Variants in THEMIS observed in about 807,000 individuals in gnomAD.
The protein encoded by THEMIS is protein THEMIS.
Under a neutral mutation model 52.6 loss-of-function variants are expected in THEMIS, and 37 were observed. The observed-to-expected ratio is 0.70, with a 90% CI of 0.54 to 0.93. The LOEUF is 0.93. Among genes scored for constraint, THEMIS ranks in the 40% least tolerant of loss-of-function variants. The pLI is 0.00. For missense variants in THEMIS, 808 were observed against 763.1 expected, an observed-to-expected ratio of 1.06 and a Z score of -0.69; for synonymous variants, 292 against 272.7, an observed-to-expected ratio of 1.07 and a Z score of -0.70.
At chr6:127,805,678 G>T (rs1254428710) in intron 4 of THEMIS, among the ~76,000 whole-genome samples, 1 of 151,910 alleles carries the variant, frequency 6.6e-6, no homozygotes, top group African/African-American at 2.4e-5. Flanking sequence ...TTTGGTTTGG[G>T]AAGCAAAGCA....
intron 1 of THEMIS, chr6:127,868,607 G>T: frequency 3.6e-6 from 1 of 274,780 alleles, no homozygotes; most frequent in Non-Finnish European, 5.5e-6. Flanking sequence ...GTGATATCTG[G>T]CTACAAGCTG....
intron 1 of THEMIS, among the ~76,000 whole-genome samples, chr6:127,882,757 A>G (rs557768691): frequency 2.0e-5 from 3 of 152,078 alleles, no homozygotes; most frequent in African/African-American, 7.2e-5. Context: ...GTTTTGTCTA[A>G]GTATTTAAAA....
chr6:127,900,843 T>G lies in THEMIS; in HGVS notation c.90A>C (p.Glu30Asp). The G allele has an allele frequency of 6.2e-7, 1 of 1,612,750 alleles. No individual in the cohort carries two copies. Among genetic ancestry groups the G allele is most frequent in the Non-Finnish European group, 8.5e-7 (1 of 1,179,036 alleles). Reference protein sequence around the residue: ...VLEIQAGIYLEGSIYEMFGNE... With the variant: ...VLEIQAGIYLDGSIYEMFGNE... ...GTAAAGGTATTGGAGAGTGCTTACC[T>G]TCAAGATAGATGCCTGCCTGGATTT... Residue 30 changes from glutamate to aspartate, a missense_variant and splice_region_variant, in exon 1 of 6, where the codon GAA (glutamate) becomes GAC (aspartate). By Grantham distance (45) the Glu-to-Asp change is conservative (BLOSUM62 2). Transcript: ENST00000368248.
At chr6:127,848,316 G>T (rs1206569958) in intron 2 of THEMIS, among the ~76,000 whole-genome samples, 1 of 151,866 alleles carries the variant, frequency 6.6e-6, no homozygotes, top group Admixed American at 6.6e-5. Flanking sequence ...TCTTAATCCA[G>T]TCTACCATTG....
intron 1 of THEMIS, among the ~76,000 whole-genome samples, chr6:127,858,234 T>C (rs1397503485): frequency 6.6e-6 from 1 of 152,112 alleles, no homozygotes; most frequent in African/African-American, 2.4e-5. Context: ...GAAAAGCTTT[T>C]GACTCTTCAG....
In THEMIS at chr6:127,875,928, G is replaced by A. The variant is rs76674814; in HGVS notation, c.92-20740C>T. On this transcript the variant is annotated intron_variant, in intron 1 of 5. Coordinates refer to ENST00000368248, the MANE Select transcript of THEMIS (RefSeq NM_001010923.3). ...ATAGCTAAATGAGGTCAGTCTGGAT[G>A]TCTGGTTATTAATATTGATAGAAAG... is the stretch of plus-strand genomic sequence containing the variant. Among the ~76,000 whole-genome samples the A allele has an allele frequency of 3.7e-3, 571 of 152,274 alleles. 18 individuals are homozygous for A. The East Asian group carries it at 0.079, about 21-fold the overall frequency.
intron 2 of THEMIS, among the ~76,000 whole-genome samples, chr6:127,847,042 G>A (rs746250671): frequency 4.6e-5 from 7 of 151,868 alleles, no homozygotes; most frequent in Non-Finnish European, 8.8e-5. Context: ...TCACATAATT[G>A]TCTCAATAGA....
chr6:127,700,904 AT>A, the THEMIS span, among the ~76,000 whole-genome samples: 1 of 152,072 alleles, frequency 6.6e-6, no homozygotes, highest in African/African-American at 2.4e-5. Context: ...AACATTGTCA[AT>A]ACACTTTAAG....
Position 127,768,254 on chromosome 6 carries a change from T to A in THEMIS, c.1758+44629A>T, listed in dbSNP as rs112316780. Among the ~76,000 whole-genome samples the A allele has an allele frequency of 1.8e-3, 274 of 152,320 alleles. 1 individual carries two copies. The highest frequency in any genetic ancestry group is 6.2e-3 in the African/African-American group (257 of 41,564). ...CTTTCAGAGTAAAATAAATGTTAAC[T>A]AACCTTATTTGTATTTCAGGGATTC... is the stretch of plus-strand genomic sequence containing the variant. On this transcript the variant is annotated intron_variant, in intron 4 of 5. Transcript: ENST00000368248.
At chr6:127,803,686 A>T (rs1220905305) in intron 4 of THEMIS, among the ~76,000 whole-genome samples, 1 of 152,230 alleles carries the variant, frequency 6.6e-6, no homozygotes, top group African/African-American at 2.4e-5. Context: ...TTCATCAGCT[A>T]AAGTTGTAAT....
chr6:127,784,514 G>T (rs1279174876), intron 4 of THEMIS, among the ~76,000 whole-genome samples: 2 of 152,122 alleles, frequency 1.3e-5, no homozygotes, highest in Non-Finnish European at 2.9e-5. Flanking sequence ...AATCTTGACT[G>T]GTCCATCAGC....
chr6:127,863,451 G>A (rs1346700928), intron 1 of THEMIS, among the ~76,000 whole-genome samples: 1 of 152,084 alleles, frequency 6.6e-6, no homozygotes, highest in Non-Finnish European at 1.5e-5. Flanking sequence ...ACCTTTATCT[G>A]TGCTTATCTG....
intron 3 of THEMIS, among the ~76,000 whole-genome samples, chr6:127,817,153 C>T (rs777062110): frequency 2.0e-5 from 3 of 152,066 alleles, no homozygotes; most frequent in African/African-American, 7.2e-5. Flanking sequence ...CATATGCCTT[C>T]CCAGAGGTGG....
chr6:127,832,622 A>G (rs944311769), intron 2 of THEMIS, among the ~76,000 whole-genome samples: 2 of 152,098 alleles, frequency 1.3e-5, no homozygotes, highest in African/African-American at 4.8e-5. Context: ...ATCGTTTTAT[A>G]CTGGGAAAAA....
intron 5 of THEMIS, among the ~76,000 whole-genome samples, chr6:127,717,674 A>G (rs1774216656): frequency 1.3e-5 from 2 of 151,922 alleles, no homozygotes; most frequent in African/African-American, 4.8e-5. Context: ...AGTTGTTGAC[A>G]TTGAATACCA....
intron 4 of THEMIS, among the ~76,000 whole-genome samples, chr6:127,795,490 G>A (rs1425014395): frequency 4.6e-5 from 7 of 151,958 alleles, no homozygotes; most frequent in South Asian, 2.1e-4. Flanking sequence ...CACCACACCC[G>A]GCTAATTTTT....
At position 127,709,105 on chromosome 6, in the gene THEMIS, C is replaced by T. The variant is rs1294567292; in HGVS notation, c.*880G>A. 1 of 151,948 alleles carries T rather than the reference C, an allele frequency of 6.6e-6. No homozygotes were observed. The highest frequency in any genetic ancestry group is 1.5e-5 in the Non-Finnish European group (1 of 67,964). The allele number at this position is 151,948 out of a possible 1,614,324, so 9.4% of individuals were successfully genotyped here. ...AAAGTAATTTTTATAGATGGTACAA[C>T]TATAAGAGCATCATTCTGATGTATA... On this transcript the variant is annotated 3_prime_UTR_variant, in exon 6 of 6. Coordinates refer to ENST00000368248, the MANE Select transcript of THEMIS (RefSeq NM_001010923.3).
At chr6:127,768,911 T>C (rs1170634638) in intron 4 of THEMIS, among the ~76,000 whole-genome samples, 1 of 152,150 alleles carries the variant, frequency 6.6e-6, no homozygotes, top group Non-Finnish European at 1.5e-5. Context: ...ATCTTTCCTG[T>C]TTATCCTGAA....
chr6:127,894,636 G>A (rs1485884159), intron 1 of THEMIS, among the ~76,000 whole-genome samples: 2 of 151,650 alleles, frequency 1.3e-5, no homozygotes, highest in Admixed American at 6.6e-5. Context: ...GAAAATAAAC[G>A]AGACTGAATC....
Sources: allele counts gnomAD v4.1 joint callset (sites outside exome capture counted in the v4.1 genomes callset), GRCh38; gene constraint gnomAD v4.1.1; transcripts MANE v1.5; gene names NCBI Gene and HGNC (gene_info 2026-07-23, HGNC 2026-07-21).